The following RHBG variants were observed in gnomAD, a reference collection of about 807,000 sequenced individuals.
RHBG encodes Rh family B glycoprotein.
Under a neutral mutation model 40.1 loss-of-function variants are expected in RHBG, and 39 were observed. That is an observed-to-expected ratio of 0.97 (90% confidence interval 0.75 to 1.27). The LOEUF (loss-of-function observed/expected upper bound fraction) is 1.27, where lower values mean the gene tolerates loss of function less well. Among genes scored for constraint, RHBG ranks in the 50% most tolerant of loss-of-function variants. RHBG has a pLI of 0.00. For synonymous variants in RHBG, 237 were observed against 252.5 expected, an observed-to-expected ratio of 0.94 and a Z score of 0.58; for missense variants, 549 against 588.1, an observed-to-expected ratio of 0.93 and a Z score of 0.69.
At chr1:156,382,492 A>G (rs1667727156) in intron 7 of RHBG, 3 of 635,952 alleles carry the variant, frequency 4.7e-6, no homozygotes, top group Middle Eastern at 4.3e-4. Context: ...AAGGGTGGGC[A>G]AAAGCAACCC....
chr1:156,378,971 T>C (rs1200906088), intron 4 of RHBG, among the ~76,000 whole-genome samples: 1 of 150,796 alleles, frequency 6.6e-6, no homozygotes, highest in Non-Finnish European at 1.5e-5. Context: ...CTGTCATCTG[T>C]CATCACCACC....
At position 156,377,080 on chromosome 1, in the gene RHBG, C is replaced by G. The variant is rs1346279437; in HGVS notation, c.188-221C>G. Among the ~76,000 whole-genome samples, 1 of 152,172 alleles carries G rather than the reference C, an allele frequency of 6.6e-6. No individual in the cohort carries two copies. Among genetic ancestry groups the G allele is most frequent in the African/African-American group, 2.4e-5 (1 of 41,428 alleles). On this transcript the variant is annotated intron_variant, in intron 1 of 9. Coordinates refer to ENST00000537040, the MANE Select transcript of RHBG (RefSeq NM_020407.5). This position sits in a 1 kb window ranked among gnomAD's most constrained non-coding sequence, Gnocchi z 4.6. ...AAGGCTTTACTCCCTTGCTCTGACA[C>G]GAGGACAGCAGGGATGTCGGGGTCC...
rs186657506 is a variant in RHBG, at chr1:156,379,733, C to T, written c.673+1334C>T. Among the ~76,000 whole-genome samples, 36 of 152,248 alleles carry T rather than the reference C, an allele frequency of 2.4e-4. No homozygotes were observed. In the Middle Eastern group the frequency reaches 0.02, roughly 86 times the overall value. Reference sequence around the variant, plus strand: ...TGTGGGAGATTTTACTCCAGATTGCCGGGCTGCTGGGAGAAGCCACACCCA... The same window carrying T: ...TGTGGGAGATTTTACTCCAGATTGCTGGGCTGCTGGGAGAAGCCACACCCA... On this transcript the variant is annotated intron_variant, in intron 4 of 9. Coordinates refer to ENST00000537040, the MANE Select transcript of RHBG (RefSeq NM_020407.5).
At chr1:156,371,341 G>C in intron 1 of RHBG, 1 of 315,446 alleles carries the variant, frequency 3.2e-6, no homozygotes, top group South Asian at 2.4e-5. Flanking sequence ...TGTATTTTTA[G>C]TAGAGATGAG....
chr1:156,373,788 C>A (rs1350264049), intron 1 of RHBG, among the ~76,000 whole-genome samples: 1 of 152,156 alleles, frequency 6.6e-6, no homozygotes, highest in East Asian at 1.9e-4. Context: ...ATCTTGCTGT[C>A]CTTGAGCACA....
In RHBG at chr1:156,377,213, G is replaced by A; in HGVS notation, c.188-88G>A. 7.0e-7 allele frequency: 1 copy of A among 1,436,708 alleles called. No individual in the cohort carries two copies. The highest frequency in any genetic ancestry group is 2.3e-5 in the East Asian group (1 of 43,636). The allele number at this position is 1,436,708 out of a possible 1,614,324, so 89.0% of individuals were successfully genotyped here. On this transcript the variant is annotated intron_variant, in intron 1 of 9. Transcript: ENST00000537040. This position sits in a 1 kb window ranked among gnomAD's most constrained non-coding sequence, Gnocchi z 4.6. ...CTCAAGGCAGCCCTGGCTGGTGAGAGCCAGGGGCACTGGCAGGGTAGCTGA... is the reference window on the plus strand; with the variant it reads ...CTCAAGGCAGCCCTGGCTGGTGAGAACCAGGGGCACTGGCAGGGTAGCTGA...
chr1:156,379,404 G>A (rs1266661035), intron 4 of RHBG, among the ~76,000 whole-genome samples: 1 of 151,992 alleles, frequency 6.6e-6, no homozygotes, highest in Non-Finnish European at 1.5e-5. Flanking sequence ...TTCATAGAAG[G>A]TATTGAATAG....
rs774808320 is a variant in RHBG, at chr1:156,372,446, G to C, written c.187+3010G>C. 3.3e-5 allele frequency among the ~76,000 whole-genome samples: 5 copies of C among 152,270 alleles called. 1 individual carries two copies. In the South Asian group the frequency reaches 6.2e-4, roughly 19 times the overall value. Reference sequence around the variant, plus strand: ...GGCCACAGAAGCAAACATGAGAAAGGGTTCTGAAAAAATATGGACAGGTTC... The same window carrying C: ...GGCCACAGAAGCAAACATGAGAAAGCGTTCTGAAAAAATATGGACAGGTTC... On this transcript the variant is annotated intron_variant, in intron 1 of 9. Transcript: ENST00000537040.
In RHBG at chr1:156,385,149, C is replaced by G. The variant is rs1571028412; in HGVS notation, c.*304C>G. 1 of 322,310 alleles carries G rather than the reference C, an allele frequency of 3.1e-6. No homozygotes were observed. The highest frequency in any genetic ancestry group is 5.7e-5 in the East Asian group (1 of 17,620). The allele number at this position is 322,310 out of a possible 1,614,324, so 20.0% of individuals were successfully genotyped here. The stretch of plus-strand genomic sequence containing the variant: ...TTGAGGCACCCAAGTGATCCACTGG[C>G]CCCACGTCACACAGTTACAGTGAAG... On this transcript the variant is annotated 3_prime_UTR_variant, in exon 10 of 10. Transcript: ENST00000537040.
At chr1:156,382,425 C>T (rs1447704553) in intron 7 of RHBG, 1 of 652,016 alleles carries the variant, frequency 1.5e-6, no homozygotes, top group Non-Finnish European at 2.6e-6. Flanking sequence ...AAGAGTGTTA[C>T]TTGTTACTGA....
In RHBG at chr1:156,385,110, T is replaced by G. The variant is rs1354182394; in HGVS notation, c.*265T>G. The G allele has an allele frequency of 2.5e-6, 1 of 402,026 alleles. No individual in the cohort carries two copies. The highest frequency in any genetic ancestry group is 4.6e-6 in the Non-Finnish European group (1 of 218,624). 24.9% of individuals were successfully genotyped at this position (402,026 alleles called of 1,614,324 possible). ...ACTGCCCTACCAGCCTGCACATGGG[T>G]AGAAGAGGCCAAATTGAGGCACCCA... On this transcript the variant is annotated 3_prime_UTR_variant, in exon 10 of 10. Transcript: ENST00000537040.
Position 156,369,431 on chromosome 1 carries a change from A to T in RHBG, c.182A>T (p.Tyr61Phe), listed in dbSNP as rs761164728. The T allele has an allele frequency of 6.8e-6, 11 of 1,609,742 alleles. No homozygotes were observed. The Admixed American group carries it at 1.8e-4, about 27-fold the overall frequency. ...SNADNEFYFR[Y>F]PSFQDVHAMV... ...GCGGACAATGAATTTTACTTTCGCT[A>T]CCCAAGTGAGTGCGGGGTGAGGGCG... The change falls in exon 1 of 10, where the codon TAC (tyrosine) becomes TTC (phenylalanine). Residue 61 changes from tyrosine (Y) to phenylalanine (F), a missense_variant. Tyr to Phe is a conservative substitution (Grantham distance 22). This residue lies in a region of RHBG where 99 missense variants were observed against 85.2 expected (regional missense o/e 1.16). Transcript: ENST00000537040.
chr1:156,382,041 A>C (rs1156867969), intron 6 of RHBG, 27 bp from the exon 7 acceptor site: 1 of 1,610,962 alleles, frequency 6.2e-7, no homozygotes, highest in African/African-American at 1.3e-5. Flanking sequence ...TGGGCACAGG[A>C]GACTCATGAT....
chr1:156,376,820 G>A (rs576010717), intron 1 of RHBG, among the ~76,000 whole-genome samples: 16 of 152,168 alleles, frequency 1.1e-4, no homozygotes, highest in Non-Finnish European at 4.4e-5. Context: ...GTGACAGAGC[G>A]AGACATCTAG....
chr1:156,379,431 T>G (rs1034999722), intron 4 of RHBG, among the ~76,000 whole-genome samples: 3 of 152,132 alleles, frequency 2.0e-5, no homozygotes, highest in Non-Finnish European at 4.4e-5. Context: ...AAGTACCTAT[T>G]CCTATATGAA....
At position 156,378,042 on chromosome 1, in the gene RHBG, G is replaced by T. The variant is rs115199763; in HGVS notation, c.427G>T (p.Val143Phe). The T allele has an allele frequency of 6.3e-7, 1 of 1,589,460 alleles. No individual in the cohort carries two copies. The highest frequency in any genetic ancestry group is 2.2e-5 in the East Asian group (1 of 44,674). ...GGCCGTGCTCATCTCCTTTGGTGCC[G>T]TCCTGGGCAAGACCGGGCCTACCCA... is the stretch of plus-strand genomic sequence containing the variant. ...AGAVLISFGAVLGKTGPTQLL... is the reference protein window; with the variant it reads ...AGAVLISFGAFLGKTGPTQLL... The change falls in exon 3 of 10, where the codon GTC becomes TTC. Residue 143 changes from valine (V) to phenylalanine (F), a missense_variant. By Grantham distance (50) the Val-to-Phe change is conservative. Coordinates refer to ENST00000537040, the MANE Select transcript of RHBG (RefSeq NM_020407.5).
chr1:156,378,631 A>G (rs1334313284), intron 4 of RHBG, among the ~76,000 whole-genome samples: 1 of 151,702 alleles, frequency 6.6e-6, no homozygotes, highest in Admixed American at 6.6e-5. Flanking sequence ...TTCTAAATCC[A>G]CCTCCATCCT....
chr1:156,379,680 C>G (rs1314367641), intron 4 of RHBG, among the ~76,000 whole-genome samples: 3 of 152,160 alleles, frequency 2.0e-5, no homozygotes, highest in Non-Finnish European at 4.4e-5. Flanking sequence ...CTCCCACAAA[C>G]GCTCCACCTA....
intron 4 of RHBG, among the ~76,000 whole-genome samples, chr1:156,380,833 G>T (rs1294644599): frequency 6.6e-6 from 1 of 151,734 alleles, no homozygotes; most frequent in African/African-American, 2.4e-5. Flanking sequence ...GGCATTTTGT[G>T]CCTGCTAGGC....
Sources: gnomAD v4.1 joint callset for allele counts (sites outside exome capture counted in the v4.1 genomes callset) on GRCh38, gnomAD v4.1.1 for gene constraint, gnomAD v4.1.1 regional missense constraint, Gnocchi (gnomAD v3.1) non-coding constraint, MANE v1.5 for transcripts, NCBI Gene and HGNC (gene_info 2026-07-23, HGNC 2026-07-21) for gene names.